ZC3HC1: variants seen among roughly 807,000 people sequenced by gnomAD.
The protein encoded by ZC3HC1 is zinc finger C3HC-type containing 1.
In ZC3HC1, 38 loss-of-function variants were observed where a neutral mutation model predicts 61.9. That is an observed-to-expected ratio of 0.61 (90% CI 0.47 to 0.81). The LOEUF (loss-of-function observed/expected upper bound fraction) is 0.81. Ranked by LOEUF, ZC3HC1 falls within the 30% of genes least tolerant of loss-of-function variation. The probability of loss-of-function intolerance (pLI) is 0.00; values close to 1 mark genes in which losing one functional copy is unlikely to be tolerated. For synonymous variants in ZC3HC1, 213 were observed against 229.9 expected (o/e 0.93, Z 0.67); for missense variants, 554 against 622.7 (o/e 0.89, Z 1.17).
chr7:130,026,328 G>C lies in ZC3HC1; in HGVS notation c.622-16C>G, dbSNP rs1309229812. ...CTGTCAAGCACTACAAGGGAGCCAAGTAAAAAACTTCGTTTCAACCACCAT... is the reference window on the plus strand; with the variant it reads ...CTGTCAAGCACTACAAGGGAGCCAACTAAAAAACTTCGTTTCAACCACCAT... On this transcript the variant is annotated splice_polypyrimidine_tract_variant and intron_variant, in intron 5 of 9. Transcript: ENST00000358303. 1 of 1,591,332 alleles carries C rather than the reference G, an allele frequency of 6.3e-7. No individual in the cohort carries two copies. Among genetic ancestry groups the C allele is most frequent in the Admixed American group, 1.7e-5 (1 of 57,312 alleles).
intron 4 of ZC3HC1, among the ~76,000 whole-genome samples, chr7:130,034,408 C>T (rs1794345143): frequency 7.2e-6 from 1 of 139,540 alleles, no homozygotes; most frequent in Non-Finnish European, 1.5e-5. Context: ...TGGCGTGAAC[C>T]CGGGAGGCAG....
rs1251419807 is a variant in ZC3HC1, at chr7:130,040,223, G to A, written c.410-676C>T. Reference sequence around the variant, plus strand: ...AAAAAAAAAAAAAAAGGCCGGGCACGGTGGCTCACGCCTGTAATCCCAGCA... The same window carrying A: ...AAAAAAAAAAAAAAAGGCCGGGCACAGTGGCTCACGCCTGTAATCCCAGCA... On this transcript the variant is annotated intron_variant, in intron 3 of 9. Transcript: ENST00000358303. Among the ~76,000 whole-genome samples the A allele has an allele frequency of 2.1e-4, 30 of 142,134 alleles. 1 individual carries two copies. The highest frequency in any genetic ancestry group is 1.6e-3 in the South Asian group (7 of 4,376). The allele number at this position is 142,134 out of a possible 152,430, so 93.2% of individuals were successfully genotyped here.
chr7:130,027,148 G>C (rs1030696611), intron 5 of ZC3HC1: 2 of 151,334 alleles, frequency 1.3e-5, no homozygotes, highest in Non-Finnish European at 2.9e-5. Context: ...CTTTTTGACA[G>C]AACAACAAAG....
Position 130,041,076 on chromosome 7 carries a change from A to G in ZC3HC1, c.284T>C (p.Phe95Ser), listed in dbSNP as rs2116749977. The G allele has an allele frequency of 6.2e-7, 1 of 1,613,538 alleles. No homozygotes were observed. Among genetic ancestry groups the G allele is most frequent in the Non-Finnish European group, 8.5e-7 (1 of 1,179,902 alleles). The change falls in exon 3 of 10, where the codon TTT (phenylalanine) becomes TCT (serine). Residue 95 changes from phenylalanine (F) to serine (S), a missense_variant. Transcript: ENST00000358303. ...TGCACAGACGAGTGGAGACAGCTCA[A>G]AGGGCTTACCTGCCCATTTCAAAGA... Reference protein sequence around the residue: ...FSSLKWAGKPFELSPLVCAKY... With the variant: ...FSSLKWAGKPSELSPLVCAKY...
At chr7:130,045,554 T>C in intron 2 of ZC3HC1, 1 of 457,366 alleles carries the variant, frequency 2.2e-6, no homozygotes, top group South Asian at 1.5e-5. Flanking sequence ...AAGTGGCAAT[T>C]ACTAATTATG....
chr7:130,018,365 T>C lies in ZC3HC1; in HGVS notation c.*299A>G, dbSNP rs1324237581. The C allele has an allele frequency of 1.3e-5, 4 of 317,808 alleles. No individual in the cohort carries two copies. Among genetic ancestry groups the C allele is most frequent in the Admixed American group, 9.0e-5 (2 of 22,242 alleles). The allele number at this position is 317,808 out of a possible 1,614,324, so 19.7% of individuals were successfully genotyped here. On this transcript the variant is annotated 3_prime_UTR_variant, in exon 10 of 10. Transcript: ENST00000358303. ...AGAGTCCTCAGAACACTGCTCCACA[T>C]TGAAGATGCTGAAATGGGTGGTCAG...
Position 130,018,629 on chromosome 7 carries a change from A to G in ZC3HC1, c.*35T>C. The G allele has an allele frequency of 6.4e-7, 1 of 1,574,226 alleles. No individual in the cohort carries two copies. Among genetic ancestry groups the G allele is most frequent in the Non-Finnish European group, 8.7e-7 (1 of 1,150,772 alleles). ...CTTAATTTTTCAAAAAGTCACTCTCATTCCAGCTATCTCCAGGAAGGCGCT... is the reference window on the plus strand; with the variant it reads ...CTTAATTTTTCAAAAAGTCACTCTCGTTCCAGCTATCTCCAGGAAGGCGCT... On this transcript the variant is annotated 3_prime_UTR_variant, in exon 10 of 10. Transcript: ENST00000358303.
chr7:130,026,952 T>C (rs1793939516), intron 5 of ZC3HC1: 1 of 129,400 alleles, frequency 7.7e-6, no homozygotes, highest in Admixed American at 9.1e-5. Context: ...CCTGGGCGAA[T>C]GAGCAAGACT....
intron 1 of ZC3HC1, among the ~76,000 whole-genome samples, chr7:130,050,154 T>G (rs1239708975): frequency 6.6e-6 from 1 of 152,026 alleles, no homozygotes; most frequent in Admixed American, 6.6e-5. Flanking sequence ...CTCGGCTCAC[T>G]GCAACCTCCG....
chr7:130,043,749 C>T (rs1794766170), intron 2 of ZC3HC1: 1 of 417,278 alleles, frequency 2.4e-6, no homozygotes. Context: ...TGGTATGTAA[C>T]AGGCATTCAC....
chr7:130,046,965 CT>C (rs951574229), intron 2 of ZC3HC1, among the ~76,000 whole-genome samples: 4 of 148,710 alleles, frequency 2.7e-5, no homozygotes, highest in East Asian at 2.0e-4. Flanking sequence ...ACTGTGCATT[CT>C]TTTTTTTCTT....
At chr7:130,039,398 A>G in intron 4 of ZC3HC1, 66 bp downstream of exon 4, 2 of 1,323,380 alleles carry the variant, frequency 1.5e-6, no homozygotes, top group Non-Finnish European at 1.1e-6. Flanking sequence ...GTTTTCACAA[A>G]CAGACAATAT....
At chr7:130,047,031 C>G (rs1042838874) in intron 2 of ZC3HC1, among the ~76,000 whole-genome samples, 1 of 152,074 alleles carries the variant, frequency 6.6e-6, no homozygotes, top group Non-Finnish European at 1.5e-5. Flanking sequence ...GGCATGATCT[C>G]GGCTCACTGC....
chr7:130,027,028 T>C (rs1793948331), intron 5 of ZC3HC1: 1 of 150,998 alleles, frequency 6.6e-6, no homozygotes, highest in African/African-American at 2.4e-5. Flanking sequence ...GGTCTCACTA[T>C]GTTGGCCATG....
chr7:130,037,208 C>T (rs1794464201), intron 4 of ZC3HC1, among the ~76,000 whole-genome samples: 1 of 152,186 alleles, frequency 6.6e-6, no homozygotes, highest in East Asian at 1.9e-4. Context: ...ATTCTGGAGG[C>T]CAAGGCAGGC....
At chr7:130,051,381 G>C (rs111357019), upstream of ZC3HC1, 1 of 1,612,212 alleles carries the variant, frequency 6.2e-7, no homozygotes, top group South Asian at 1.1e-5. Flanking sequence ...GTCCGCTGCC[G>C]AGTTGCTTCC....
intron 2 of ZC3HC1, chr7:130,043,862 T>C (rs1350082800): frequency 4.4e-6 from 2 of 455,760 alleles, no homozygotes; most frequent in Non-Finnish European, 8.8e-6. Context: ...TAAGCACATA[T>C]AGGGGATTGA....
chr7:130,035,181 G>A (rs1434541481), intron 4 of ZC3HC1, among the ~76,000 whole-genome samples: 3 of 152,018 alleles, frequency 2.0e-5, no homozygotes, highest in African/African-American at 7.2e-5. Flanking sequence ...TTTGAGGTCA[G>A]CAGTTCAAGA....
Position 130,026,285 on chromosome 7 carries a change from G to A in ZC3HC1, c.649C>T (p.Leu217Phe), listed in dbSNP as rs780940893. The A allele has an allele frequency of 4.3e-6, 7 of 1,613,812 alleles. No individual in the cohort carries two copies. The highest frequency in any genetic ancestry group is 5.1e-6 in the Non-Finnish European group (6 of 1,179,788). The change falls in exon 6 of 10, where the codon CTC (leucine) becomes TTC (phenylalanine). Residue 217 changes from leucine to phenylalanine, a missense_variant. Physicochemically the swap from Leu to Phe is conservative, Grantham distance 22. Coordinates refer to ENST00000358303, the MANE Select transcript of ZC3HC1 (RefSeq NM_016478.5). The part of the protein sequence containing the change: ...MCLTEDKISL[L>F]LHLLEDELDH... ...AGTTCATCTTCAAGCAAGTGTAGGA[G>A]AAGACTGATCTTGTCTTCTGTCAAG... is the stretch of plus-strand genomic sequence containing the variant.
Sources: allele counts gnomAD v4.1 joint callset (sites outside exome capture counted in the v4.1 genomes callset), GRCh38; gene constraint gnomAD v4.1.1; transcripts MANE v1.5; gene names NCBI Gene and HGNC (gene_info 2026-07-23, HGNC 2026-07-21).